PCAT7: variants seen among roughly 807,000 people sequenced by gnomAD.
PCAT7 encodes prostate cancer associated transcript 7.
exon 2 of PCAT7, chr9:94,559,126 G>A: frequency 6.2e-7 from 1 of 1,610,198 alleles, no homozygotes; most frequent in Non-Finnish European, 8.5e-7. Context: ...TCATACAGGA[G>A]CCGGAGCTGT....
chr9:94,558,988 C>A lies in PCAT7; in HGVS notation n.277C>A, dbSNP rs762077734. 11 of 1,614,006 alleles carry A rather than the reference C, an allele frequency of 6.8e-6. No individual in the cohort carries two copies. In the African/African-American group the frequency reaches 1.3e-4, roughly 20 times the overall value. ...ACACAGGTGAGATATTCCTGCACAT[C>A]CTCTGGTGACCCCAGAATGAGGGGG... On this transcript the variant is annotated non_coding_transcript_exon_variant, in exon 2 of 9. Transcript: ENST00000647389.
chr9:94,561,350 G>GTTTTTT (rs1463916724), intron 2 of PCAT7, among the ~76,000 whole-genome samples: 7 of 59,794 alleles, frequency 1.2e-4, no homozygotes, highest in Non-Finnish European at 1.5e-4. Flanking sequence ...CATGTGACCT[G>GTTTTTT]TATTTTTTTT....
rs151329702 is a variant in PCAT7 at position 94,560,457 on chromosome 9, G to A, written n.441+1305G>A. Among the ~76,000 whole-genome samples, 198 of 152,180 alleles carry A rather than the reference G, an allele frequency of 1.3e-3. 1 individual carries two copies. Among genetic ancestry groups the A allele is most frequent in the Middle Eastern group, 6.8e-3 (2 of 294 alleles). ...CCCATCACCTTAGATTCAGGGTGTCGTTCTGGCCGAGGCCCTGCTGCTGTG... is the reference window on the plus strand; with the variant it reads ...CCCATCACCTTAGATTCAGGGTGTCATTCTGGCCGAGGCCCTGCTGCTGTG... On this transcript the variant is annotated intron_variant and non_coding_transcript_variant, in intron 2 of 8. Transcript: ENST00000647389.
intron 2 of PCAT7, among the ~76,000 whole-genome samples, chr9:94,564,118 CTA>C (rs1827151090): frequency 5.9e-5 from 9 of 152,220 alleles, no homozygotes; most frequent in Non-Finnish European, 1.5e-5. Flanking sequence ...CGAATCAACA[CTA>C]GACCAAATGG....
rs1396448624 is a variant in PCAT7 at position 94,571,528 on chromosome 9, C to T, written n.442-1451C>T. 3.7e-6 allele frequency: 6 copies of T among 1,614,048 alleles called. No individual in the cohort carries two copies. In the South Asian group the frequency reaches 5.5e-5, roughly 15 times the overall value. On this transcript the variant is annotated intron_variant and non_coding_transcript_variant, in intron 2 of 8. Coordinates refer to ENST00000647389, the Ensembl canonical transcript of PCAT7. ...GAGCCACCAGGGTTGCACTACCGTA[C>T]AGCGCATAACCTGCGGCCACAATAT...
chr9:94,562,778 CATT>C (rs1257408704), intron 2 of PCAT7, among the ~76,000 whole-genome samples: 2 of 152,084 alleles, frequency 1.3e-5, no homozygotes, highest in Non-Finnish European at 2.9e-5. Flanking sequence ...AGTTTTGCAT[CATT>C]AAGTTGCAAT....
chr9:94,566,245 C>T (rs987558747), intron 2 of PCAT7, among the ~76,000 whole-genome samples: 1 of 152,248 alleles, frequency 6.6e-6, no homozygotes, highest in Middle Eastern at 3.2e-3. Context: ...TGGCCATAAA[C>T]AAAGTCTCTG....
chr9:94,571,669 C>G lies in PCAT7; in HGVS notation n.442-1310C>G, dbSNP rs2131450993. 4 of 1,442,148 alleles carry G rather than the reference C, an allele frequency of 2.8e-6. No homozygotes were observed. In the East Asian group the frequency reaches 9.6e-5, roughly 35 times the overall value. 89.3% of individuals were successfully genotyped at this position (1,442,148 alleles called of 1,614,324 possible). On this transcript the variant is annotated intron_variant and non_coding_transcript_variant, in intron 2 of 8. Transcript: ENST00000647389. Reference sequence around the variant, plus strand: ...CTGGAGAGAACACTTTGCCAGGGGCCTGGGCTTCAGATCTCCTCGAATCAC... The same window carrying G: ...CTGGAGAGAACACTTTGCCAGGGGCGTGGGCTTCAGATCTCCTCGAATCAC...
intron 2 of PCAT7, among the ~76,000 whole-genome samples, chr9:94,564,336 T>G (rs1827154610): frequency 6.6e-6 from 1 of 152,228 alleles, no homozygotes; most frequent in African/African-American, 2.4e-5. Context: ...ATAGAAATCA[T>G]TCTATTGTAA....
chr9:94,556,105 A>T (rs1439867221), intron 1 of PCAT7, among the ~76,000 whole-genome samples: 1 of 150,210 alleles, frequency 6.7e-6, no homozygotes, highest in Non-Finnish European at 1.5e-5. Flanking sequence ...AGTGGCAAGG[A>T]GGAGCCGGGG....
chr9:94,570,753 T>C, intron 2 of PCAT7: 1 of 152,146 alleles, frequency 6.6e-6, no homozygotes. Flanking sequence ...GTAAACTCTG[T>C]TTTGTAAGTT....
intron 3 of PCAT7, among the ~76,000 whole-genome samples, chr9:94,574,314 C>T (rs753665944): frequency 5.9e-5 from 9 of 152,110 alleles, no homozygotes; most frequent in Non-Finnish European, 1.2e-4. Context: ...TTTAATTCAG[C>T]CTGGTAAACA....
At chr9:94,559,143 A>AC in exon 2 of PCAT7, 1 of 1,605,914 alleles carries the variant, frequency 6.2e-7, no homozygotes, top group African/African-American at 1.3e-5. Context: ...CTGTGGAGGA[A>AC]CAGAGGCAGG....
chr9:94,567,485 C>T, intron 2 of PCAT7: 1 of 1,561,374 alleles, frequency 6.4e-7, no homozygotes, highest in Non-Finnish European at 8.7e-7. Flanking sequence ...CACATCAGAG[C>T]AGGAGAAGAT....
At chr9:94,571,526 T>C in intron 2 of PCAT7, 1 of 1,614,048 alleles carries the variant, frequency 6.2e-7, no homozygotes, top group Non-Finnish European at 8.5e-7. Flanking sequence ...TGCACTACCG[T>C]ACAGCGCATA....
At chr9:94,563,605 A>G (rs1016098728) in intron 2 of PCAT7, 2 of 902,602 alleles carry the variant, frequency 2.2e-6, no homozygotes, top group African/African-American at 3.4e-5. Flanking sequence ...TGAAAAGATT[A>G]TATAATTGTG....
intron 2 of PCAT7, among the ~76,000 whole-genome samples, chr9:94,564,418 C>A (rs1827155805): frequency 6.6e-6 from 1 of 152,168 alleles, no homozygotes; most frequent in Non-Finnish European, 1.5e-5. Flanking sequence ...CCTAAATGCC[C>A]ATCAGTGGTA....
chr9:94,567,140 ATCT>A, intron 2 of PCAT7: 1 of 855,688 alleles, frequency 1.2e-6, no homozygotes, highest in East Asian at 2.4e-5. Flanking sequence ...AGAGTCCATC[ATCT>A]TCATACTGAC....
intron 2 of PCAT7, chr9:94,571,505 G>A (rs1827268422): frequency 2.5e-6 from 4 of 1,613,838 alleles, no homozygotes; most frequent in East Asian, 4.5e-5. Context: ...TGTGGAGAGA[G>A]CCACCAGGGT....
Sources: allele counts gnomAD v4.1 joint callset (sites outside exome capture counted in the v4.1 genomes callset), GRCh38; gene constraint gnomAD v4.1.1; transcripts MANE v1.5; gene names NCBI Gene and HGNC (gene_info 2026-07-23, HGNC 2026-07-21).